Variants in CHST12 observed in about 807,000 individuals in gnomAD.
CHST12 encodes the protein carbohydrate sulfotransferase 12, also known as carbohydrate (chondroitin 4) sulfotransferase 12.
CHST12 carries 23 observed loss-of-function variants against 27.9 expected under a neutral mutation model. The ratio of observed to expected loss-of-function variants is 0.82; its 90% CI spans 0.59 to 1.17. The LOEUF is 1.17. Ranked by LOEUF, CHST12 falls within the 50% of genes most tolerant of loss-of-function variation. CHST12 has a pLI of 0.00. For missense variants in CHST12, 682 were observed against 603.0 expected (o/e 1.13, Z -1.37); for synonymous variants, 322 against 273.0 (o/e 1.18, Z -1.77).
In CHST12 at chr7:2,447,876, T is replaced by A. The variant is rs150302446; in HGVS notation, c.*13992T>A. ...GGGAGAGCAGCCTGAATAAACACTT[T>A]TTTTGTTGTTGTTGAGGCAGAGCCT... On this transcript the variant is annotated 3_prime_UTR_variant, in exon 2 of 2. Coordinates refer to ENST00000618655, the MANE Select transcript of CHST12 (RefSeq NM_018641.5). 6.6e-6 allele frequency: 1 copy of A among 152,022 alleles called. No individual in the cohort carries two copies. The highest frequency in any genetic ancestry group is 2.4e-5 in the African/African-American group (1 of 41,426). The allele number at this position is 152,022 out of a possible 1,614,324, so 9.4% of individuals were successfully genotyped here.
chr7:2,430,647 T>G (rs1782249333), intron 1 of CHST12, among the ~76,000 whole-genome samples: 1 of 152,190 alleles, frequency 6.6e-6, no homozygotes, highest in Non-Finnish European at 1.5e-5. Flanking sequence ...AGAGACAGTT[T>G]CACCATGTTG....
At chr7:2,404,095 TC>T (rs1781457045) in intron 1 of CHST12, 1 of 152,122 alleles carries the variant, frequency 6.6e-6, no homozygotes, top group Non-Finnish European at 1.5e-5. Flanking sequence ...GGCTTGGAGT[TC>T]CAGGATCCCC....
In CHST12 at chr7:2,440,849, T is replaced by A. The variant is rs909714325; in HGVS notation, c.*6965T>A. On this transcript the variant is annotated 3_prime_UTR_variant, in exon 2 of 2. Coordinates refer to ENST00000618655, the MANE Select transcript of CHST12 (RefSeq NM_018641.5). ...GGAGTCAACGATACTTCTTGTGCTGTCGTTTCTCCGGCCGTGTGAAGTTAC... is the reference window on the plus strand; with the variant it reads ...GGAGTCAACGATACTTCTTGTGCTGACGTTTCTCCGGCCGTGTGAAGTTAC... 6.6e-6 allele frequency: 1 copy of A among 152,218 alleles called. No homozygotes were observed. Among genetic ancestry groups the A allele is most frequent in the Non-Finnish European group, 1.5e-5 (1 of 68,040 alleles). The allele number at this position is 152,218 out of a possible 1,614,324, so 9.4% of individuals were successfully genotyped here.
chr7:2,417,213 T>G (rs1460154150), intron 1 of CHST12, among the ~76,000 whole-genome samples: 1 of 150,870 alleles, frequency 6.6e-6, no homozygotes, highest in Non-Finnish European at 1.5e-5. Flanking sequence ...GAGAGTTGAT[T>G]CTCTTACTCT....
At chr7:2,405,100 G>A (rs531814558) in intron 1 of CHST12, among the ~76,000 whole-genome samples, 3 of 152,140 alleles carry the variant, frequency 2.0e-5, no homozygotes, top group Admixed American at 2.0e-4. Flanking sequence ...TGGGGGAGAT[G>A]GTGGGTCGCC....
chr7:2,419,968 CTTTTTTTTTT>C lies in CHST12; in HGVS notation c.-77-12581_-77-12572del, dbSNP rs869252983. 4.9e-5 allele frequency among the ~76,000 whole-genome samples: 4 copies of C among 81,386 alleles called. No homozygotes were observed. In the Admixed American group the frequency reaches 5.7e-4, roughly 12 times the overall value. The allele number at this position is 81,386 out of a possible 152,430, so 53.4% of individuals were successfully genotyped here. A position where few individuals can be genotyped will look rare whatever the true frequency, so the allele number is the denominator to read the frequency against. On this transcript the variant is annotated intron_variant, in intron 1 of 1. Coordinates refer to ENST00000618655, the MANE Select transcript of CHST12 (RefSeq NM_018641.5). ...ACAAGTAGAATCTTGAAATATTTGT[CTTTTTTTTTT>C]TTTTTTTTTTTTTGAGATGGAGTCT...
rs755861649 is a variant in CHST12, at chr7:2,437,041, G to T, written c.*3157G>T. Reference sequence around the variant, plus strand: ...TTTGCCTGATGCGCAGCACCACACTGCGTAGAGACCTTTGGCTCTGGTTTT... The same window carrying T: ...TTTGCCTGATGCGCAGCACCACACTTCGTAGAGACCTTTGGCTCTGGTTTT... On this transcript the variant is annotated 3_prime_UTR_variant, in exon 2 of 2. Transcript: ENST00000618655. 1 of 152,252 alleles carries T rather than the reference G, an allele frequency of 6.6e-6. No homozygotes were observed. The highest frequency in any genetic ancestry group is 1.5e-5 in the Non-Finnish European group (1 of 68,048). 9.4% of individuals were successfully genotyped at this position (152,252 alleles called of 1,614,324 possible).
chr7:2,448,022 C>G lies in CHST12; in HGVS notation c.*14138C>G, dbSNP rs896663348. 1.3e-5 allele frequency: 2 copies of G among 152,102 alleles called. No individual in the cohort carries two copies. Among genetic ancestry groups the G allele is most frequent in the African/African-American group, 2.4e-5 (1 of 41,406 alleles). 9.4% of individuals were successfully genotyped at this position (152,102 alleles called of 1,614,324 possible). On this transcript the variant is annotated 3_prime_UTR_variant, in exon 2 of 2. Transcript: ENST00000618655. ...AGCTGGGACTATAGGCACACACCAC[C>G]ATGCCCGGCTAATTTTTCTCTTTTT...
chr7:2,414,733 C>A (rs934438990), intron 1 of CHST12, among the ~76,000 whole-genome samples: 1 of 152,086 alleles, frequency 6.6e-6, no homozygotes, highest in Non-Finnish European at 1.5e-5. Flanking sequence ...TTCCTGTTTT[C>A]CTCTGAATAT....
intron 1 of CHST12, among the ~76,000 whole-genome samples, chr7:2,425,569 G>A (rs867898330): frequency 0.016 from 2,387 of 152,310 alleles, 27 homozygotes; most frequent in Middle Eastern, 0.037. Context: ...ATGTGGCTGA[G>A]GTCACAGGAC....
chr7:2,408,362 C>CAAAAAA (rs56330622), intron 1 of CHST12, among the ~76,000 whole-genome samples: 1 of 116,690 alleles, frequency 8.6e-6, no homozygotes, highest in Non-Finnish European at 1.7e-5. Flanking sequence ...GACTCCGTCT[C>CAAAAAA]AAAAAAAAAA....
intron 1 of CHST12, among the ~76,000 whole-genome samples, chr7:2,428,635 A>G (rs1782195959): frequency 6.6e-6 from 1 of 152,190 alleles, no homozygotes; most frequent in African/African-American, 2.4e-5. Flanking sequence ...TGAGATGGTC[A>G]CATGGGGATG....
Position 2,436,342 on chromosome 7 carries a change from C to T in CHST12, c.*2458C>T, listed in dbSNP as rs1782473756. On this transcript the variant is annotated 3_prime_UTR_variant, in exon 2 of 2. Transcript: ENST00000618655. ...CACTCTCTGATTTCTACTACCCGAG[C>T]TCCCTCAGAAATGGAGTCACACAGT... 6.6e-6 allele frequency: 1 copy of T among 152,234 alleles called. No homozygotes were observed. The highest frequency in any genetic ancestry group is 2.4e-5 in the African/African-American group (1 of 41,450). 9.4% of individuals were successfully genotyped at this position (152,234 alleles called of 1,614,324 possible). A position where few individuals can be genotyped will look rare whatever the true frequency, so the allele number is the denominator to read the frequency against.
intron 1 of CHST12, among the ~76,000 whole-genome samples, chr7:2,420,177 G>C (rs1179579463): frequency 6.6e-6 from 1 of 151,464 alleles, no homozygotes; most frequent in Non-Finnish European, 1.5e-5. Context: ...GTTTCACCGT[G>C]TTAGCCAGGA....
chr7:2,433,434 G>T lies in CHST12; in HGVS notation c.795G>T (p.Glu265Asp). Reference sequence around the variant, plus strand: ...GCAAGTTCGAGCTGGAGAACGAGGAGTTCTACCGCAAGTTCGCCGTGCCCA... The same window carrying T: ...GCAAGTTCGAGCTGGAGAACGAGGATTTCTACCGCAAGTTCGCCGTGCCCA... ...FRSKFELENE[E>D]FYRKFAVPML... The change falls in exon 2 of 2, where the codon GAG (glutamate) becomes GAT (aspartate). Residue 265 changes from glutamate (E) to aspartate (D), a missense_variant. By Grantham distance (45) the Glu-to-Asp change is conservative. Transcript: ENST00000618655. This position sits in a 1 kb window ranked among gnomAD's most constrained non-coding sequence, Gnocchi z 6.1. The T allele has an allele frequency of 6.2e-7, 1 of 1,609,824 alleles. No homozygotes were observed.
rs970383531 is a variant in CHST12 at position 2,442,277 on chromosome 7, C to T, written c.*8393C>T. ...GACAGACCACATTTTATCCATTCAC[C>T]CAGGGATGGACACCTGGGTTGCTTC... is the stretch of plus-strand genomic sequence containing the variant. On this transcript the variant is annotated 3_prime_UTR_variant, in exon 2 of 2. Transcript: ENST00000618655. 6.6e-6 allele frequency: 1 copy of T among 152,200 alleles called. No individual in the cohort carries two copies. Among genetic ancestry groups the T allele is most frequent in the East Asian group, 1.9e-4 (1 of 5,202 alleles). 9.4% of individuals were successfully genotyped at this position (152,200 alleles called of 1,614,324 possible). A position where few individuals can be genotyped will look rare whatever the true frequency, so the allele number is the denominator to read the frequency against.
chr7:2,419,763 G>T (rs1781915754), intron 1 of CHST12, among the ~76,000 whole-genome samples: 1 of 151,492 alleles, frequency 6.6e-6, no homozygotes, highest in Non-Finnish European at 1.5e-5. Context: ...CAGTTTGGTG[G>T]TGTTAAGCAC....
chr7:2,410,820 G>T (rs1001559130), intron 1 of CHST12, among the ~76,000 whole-genome samples: 6 of 152,060 alleles, frequency 3.9e-5, no homozygotes, highest in Admixed American at 1.3e-4. Flanking sequence ...GATCAGTGGA[G>T]TCCTGGTCAC....
At chr7:2,407,883 G>A (rs907790049) in intron 1 of CHST12, among the ~76,000 whole-genome samples, 2 of 151,564 alleles carry the variant, frequency 1.3e-5, no homozygotes, top group Non-Finnish European at 1.5e-5. Context: ...AGCCCAGATC[G>A]TGCCACTGCA....
Sources: gnomAD v4.1 joint callset for allele counts (sites outside exome capture counted in the v4.1 genomes callset) on GRCh38, gnomAD v4.1.1 for gene constraint, Gnocchi (gnomAD v3.1) non-coding constraint, MANE v1.5 for transcripts, NCBI Gene and HGNC (gene_info 2026-07-23, HGNC 2026-07-21) for gene names.